Variants in NTF3 observed in about 807,000 individuals in gnomAD.
NTF3 encodes neurotrophin 3, also known as neurotrophin-3.
Under a neutral mutation model 26.3 loss-of-function variants are expected in NTF3, and 8 were observed. That is an observed-to-expected ratio of 0.30 (90% CI 0.18 to 0.55). The LOEUF is 0.55. Among genes scored for constraint, NTF3 ranks in the 20% least tolerant of loss-of-function variants. The pLI, the probability that NTF3 is intolerant of heterozygous loss-of-function variation, is 0.93. For synonymous variants in NTF3, 154 were observed against 145.5 expected (o/e 1.06, Z -0.42); for missense variants, 276 against 352.9 (o/e 0.78, Z 1.75).
At chr12:5,477,314 A>T (rs1940736970) in intron 1 of NTF3, among the ~76,000 whole-genome samples, 1 of 152,220 alleles carries the variant, frequency 6.6e-6, no homozygotes, top group South Asian at 2.1e-4. Context: ...AATAATACAC[A>T]TCCCCAGTCT....
intron 1 of NTF3, among the ~76,000 whole-genome samples, chr12:5,483,520 A>G (rs1940832816): frequency 6.6e-6 from 1 of 152,220 alleles, no homozygotes; most frequent in Non-Finnish European, 1.5e-5. Flanking sequence ...ATGACGGCTC[A>G]TCTCCTGTAG....
chr12:5,461,244 G>C (rs1215261713), intron 1 of NTF3, among the ~76,000 whole-genome samples: 1 of 152,166 alleles, frequency 6.6e-6, no homozygotes, highest in Non-Finnish European at 1.5e-5. Flanking sequence ...CTGTCAGGAG[G>C]TGCAGCATAG....
intron 1 of NTF3, among the ~76,000 whole-genome samples, chr12:5,473,013 C>T (rs770824601): frequency 2.6e-5 from 4 of 152,198 alleles, no homozygotes; most frequent in South Asian, 2.1e-4. Context: ...TCTTGAAAGG[C>T]TCCAGCAGCA....
chr12:5,478,406 TCA>T (rs1342168921), intron 1 of NTF3, among the ~76,000 whole-genome samples: 1 of 152,254 alleles, frequency 6.6e-6, no homozygotes, highest in Non-Finnish European at 1.5e-5. Flanking sequence ...ATCAAAAGTT[TCA>T]CATTCTGAAT....
chr12:5,431,957 A>G (rs904338708), upstream of NTF3, among the ~76,000 whole-genome samples: 1 of 125,542 alleles, frequency 8.0e-6, no homozygotes, highest in Admixed American at 7.8e-5. Flanking sequence ...TCCCGAAGTG[A>G]GGGCGGGGGG....
chr12:5,484,455 A>G (rs923626239), intron 1 of NTF3, among the ~76,000 whole-genome samples: 12 of 152,244 alleles, frequency 7.9e-5, no homozygotes, highest in African/African-American at 2.4e-4. Flanking sequence ...TTCTAAACCT[A>G]AAATCTGTGG....
chr12:5,442,197 TC>T (rs1940246176), intron 1 of NTF3, among the ~76,000 whole-genome samples: 1 of 152,188 alleles, frequency 6.6e-6, no homozygotes, highest in African/African-American at 2.4e-5. Context: ...AATACAGGGT[TC>T]CCACTTCAGG....
chr12:5,470,119 A>T (rs1170468894), intron 1 of NTF3, among the ~76,000 whole-genome samples: 2 of 151,992 alleles, frequency 1.3e-5, no homozygotes, highest in Non-Finnish European at 2.9e-5. Context: ...AGAGATGGGG[A>T]TTCACGGTGT....
rs538268284 is a variant in NTF3 at position 5,466,100 on chromosome 12, A to G, written c.19-28094A>G. Among the ~76,000 whole-genome samples, 374 of 152,292 alleles carry G rather than the reference A, an allele frequency of 2.5e-3. 1 individual carries two copies. The highest frequency in any genetic ancestry group is 3.9e-3 in the Non-Finnish European group (262 of 68,020). Reference sequence around the variant, plus strand: ...ATCAGACCAAGATGGCCAGAAAAGGAACCTGGAAGGGACGTGTGGGCGTCA... The same window carrying G: ...ATCAGACCAAGATGGCCAGAAAAGGGACCTGGAAGGGACGTGTGGGCGTCA... On this transcript the variant is annotated intron_variant, in intron 1 of 1. Transcript: ENST00000423158.
At position 5,435,968 on chromosome 12, in the gene NTF3, C is replaced by T. The variant is rs1410822780; in HGVS notation, c.18+3626C>T. Among the ~76,000 whole-genome samples, 3 of 152,042 alleles carry T rather than the reference C, an allele frequency of 2.0e-5. No individual in the cohort carries two copies. In the East Asian group the frequency reaches 5.8e-4, roughly 29 times the overall value. ...GTGTTTTTGCAGGAATTCTGTGTGTCTGGGGAAGGATAAAAATTGTCTTGG... is the reference window on the plus strand; with the variant it reads ...GTGTTTTTGCAGGAATTCTGTGTGTTTGGGGAAGGATAAAAATTGTCTTGG... On this transcript the variant is annotated intron_variant, in intron 1 of 1. Coordinates refer to ENST00000423158, the MANE Select transcript of NTF3 (RefSeq NM_001102654.2).
intron 1 of NTF3, among the ~76,000 whole-genome samples, chr12:5,466,969 A>C (rs1940597555): frequency 6.6e-6 from 1 of 152,100 alleles, no homozygotes; most frequent in Non-Finnish European, 1.5e-5. Context: ...GCAGTGGCTC[A>C]CGCCTGTAAT....
At chr12:5,461,339 G>A (rs760249478) in intron 1 of NTF3, among the ~76,000 whole-genome samples, 49 of 152,158 alleles carry the variant, frequency 3.2e-4, no homozygotes, top group Non-Finnish European at 6.2e-4. Context: ...CCTCCATGCA[G>A]CAAAACATCC....
intron 1 of NTF3, among the ~76,000 whole-genome samples, chr12:5,462,997 G>T (rs1460719623): frequency 6.6e-6 from 1 of 152,154 alleles, no homozygotes; most frequent in Non-Finnish European, 1.5e-5. Context: ...AGGATGATTT[G>T]CAGGCAGGAG....
intron 1 of NTF3, among the ~76,000 whole-genome samples, chr12:5,458,551 T>G (rs551193444): frequency 6.6e-6 from 1 of 152,140 alleles, no homozygotes; most frequent in South Asian, 2.1e-4. Context: ...AATGAATGAA[T>G]AAGTGAAAAC....
chr12:5,486,791 A>G (rs1940871091), intron 1 of NTF3, among the ~76,000 whole-genome samples: 1 of 152,176 alleles, frequency 6.6e-6, no homozygotes, highest in Non-Finnish European at 1.5e-5. Context: ...TAAATGATTC[A>G]ATAATTTGAA....
intron 1 of NTF3, among the ~76,000 whole-genome samples, chr12:5,491,848 T>C (rs1443485568): frequency 6.6e-6 from 1 of 150,856 alleles, no homozygotes; most frequent in Non-Finnish European, 1.5e-5. Context: ...GCCTCCCGAG[T>C]AGCTGGGACT....
chr12:5,430,480 C>A (rs1940071035), upstream of NTF3, among the ~76,000 whole-genome samples: 1 of 151,820 alleles, frequency 6.6e-6, no homozygotes. Flanking sequence ...AGGTGACGCC[C>A]CTGGGCCTCG....
intron 1 of NTF3, among the ~76,000 whole-genome samples, chr12:5,432,556 TACACACACACACACACACAC>T (rs57075143): frequency 3.4e-4 from 42 of 123,992 alleles, no homozygotes; most frequent in East Asian, 7.6e-4. Context: ...GCCACCCCGC[TACACACACACACACACACAC>T]ACACACACAC....
chr12:5,479,538 T>C (rs546414926), intron 1 of NTF3, among the ~76,000 whole-genome samples: 1 of 152,354 alleles, frequency 6.6e-6, no homozygotes, highest in South Asian at 2.1e-4. Context: ...GAGAAGGCTA[T>C]CTTTTAGGAA....
Sources: gnomAD v4.1 joint callset for allele counts (sites outside exome capture counted in the v4.1 genomes callset) on GRCh38, gnomAD v4.1.1 for gene constraint, MANE v1.5 for transcripts, NCBI Gene and HGNC (gene_info 2026-07-23, HGNC 2026-07-21) for gene names.